Variants in SLC44A5 observed in about 807,000 individuals in gnomAD.
The protein encoded by SLC44A5 is choline transporter-like protein 5.
A neutral mutation model predicts 101.8 loss-of-function variants in SLC44A5; 57 were observed. The ratio of observed to expected loss-of-function variants is 0.56; its 90% CI spans 0.45 to 0.70. The LOEUF (loss-of-function observed/expected upper bound fraction) is 0.70. Ranked by LOEUF, SLC44A5 falls within the 30% of genes least tolerant of loss-of-function variation. SLC44A5 has a pLI of 0.00. For synonymous variants in SLC44A5, 281 were observed against 290.9 expected, an observed-to-expected ratio of 0.97 and a Z score of 0.35; for missense variants, 737 against 853.1, an observed-to-expected ratio of 0.86 and a Z score of 1.70.
chr1:75,230,115 T>C (rs1647412336), intron 12 of SLC44A5, among the ~76,000 whole-genome samples: 1 of 152,240 alleles, frequency 6.6e-6, no homozygotes, highest in African/African-American at 2.4e-5. Context: ...TATCAATTAG[T>C]TTTTAATCTA....
At chr1:75,523,945 A>G (rs1484692374) in intron 2 of SLC44A5, among the ~76,000 whole-genome samples, 1 of 152,240 alleles carries the variant, frequency 6.6e-6, no homozygotes. Flanking sequence ...CCAAGGGAAT[A>G]AAGTAGGCAA....
intron 2 of SLC44A5, among the ~76,000 whole-genome samples, chr1:75,513,093 C>A (rs1479925969): frequency 6.6e-6 from 1 of 152,162 alleles, no homozygotes; most frequent in African/African-American, 2.4e-5. Context: ...TAGTAAATAG[C>A]AAATCCAGAA....
rs191069678 is a variant in SLC44A5, at chr1:75,347,207, G to C, written c.53-7577C>G. ...AGTGCCTAAAGCAGTTTGGTAGCTA[G>C]TGATAACATCTCTCCTGCTTCCTCA... On this transcript the variant is annotated intron_variant, in intron 3 of 23. Transcript: ENST00000370859. Among the ~76,000 whole-genome samples, 3 of 152,160 alleles carry C rather than the reference G, an allele frequency of 2.0e-5. No homozygotes were observed. The South Asian group carries it at 6.2e-4, about 32-fold the overall frequency.
chr1:75,473,521 TG>T (rs779644676), intron 2 of SLC44A5, among the ~76,000 whole-genome samples: 4 of 152,176 alleles, frequency 2.6e-5, no homozygotes, highest in Non-Finnish European at 4.4e-5. Flanking sequence ...TTGCAGAATT[TG>T]GGGGTACTTG....
At chr1:75,222,245 C>T (rs966264998) in intron 14 of SLC44A5, 116 bp downstream of exon 14, 88 of 756,956 alleles carry the variant, frequency 1.2e-4, no homozygotes, top group Admixed American at 8.7e-5. Flanking sequence ...TGTGAACCAC[C>T]GCGCCCAGCA....
chr1:75,577,854 T>C (rs1392638158), intron 1 of SLC44A5, among the ~76,000 whole-genome samples: 1 of 152,188 alleles, frequency 6.6e-6, no homozygotes, highest in African/African-American at 2.4e-5. Context: ...GTGTGACACA[T>C]ACTAAGTGTA....
chr1:75,586,137 G>C (rs1246362052), intron 1 of SLC44A5, among the ~76,000 whole-genome samples: 1 of 152,082 alleles, frequency 6.6e-6, no homozygotes, highest in Non-Finnish European at 1.5e-5. Flanking sequence ...GCCTAATATG[G>C]GTGGGCATCA....
At chr1:75,403,293 C>T (rs980453683) in intron 2 of SLC44A5, among the ~76,000 whole-genome samples, 3 of 152,216 alleles carry the variant, frequency 2.0e-5, no homozygotes, top group Non-Finnish European at 4.4e-5. Context: ...AATGTTCCTG[C>T]CTGCTGGCTC....
chr1:75,628,043 GC>G, the SLC44A5 span, among the ~76,000 whole-genome samples: 1 of 151,350 alleles, frequency 6.6e-6, no homozygotes, highest in Admixed American at 6.6e-5. Context: ...GCTAGTCTGT[GC>G]CTTGCCTTCT....
intron 5 of SLC44A5, among the ~76,000 whole-genome samples, chr1:75,282,703 A>G (rs1320325227): frequency 6.6e-6 from 1 of 152,162 alleles, no homozygotes; most frequent in Non-Finnish European, 1.5e-5. Context: ...CATACAGATC[A>G]TGAGATCTAA....
At chr1:75,582,977 C>A (rs1291731099) in intron 1 of SLC44A5, among the ~76,000 whole-genome samples, 1 of 152,150 alleles carries the variant, frequency 6.6e-6, no homozygotes. Flanking sequence ...CCTCCTCTAG[C>A]CTTGACAGTG....
chr1:75,260,711 C>T (rs1019689326), intron 6 of SLC44A5, among the ~76,000 whole-genome samples: 1 of 152,148 alleles, frequency 6.6e-6, no homozygotes, highest in African/African-American at 2.4e-5. Flanking sequence ...TCCATATCAG[C>T]AGAATATACA....
At chr1:75,387,319 A>G (rs1661431450) in intron 3 of SLC44A5, among the ~76,000 whole-genome samples, 1 of 147,886 alleles carries the variant, frequency 6.8e-6, no homozygotes, top group Non-Finnish European at 1.5e-5. Context: ...CATCTGACAA[A>G]GGGCTAATAT....
intron 3 of SLC44A5, among the ~76,000 whole-genome samples, chr1:75,356,880 C>G (rs1402193691): frequency 6.6e-6 from 1 of 152,176 alleles, no homozygotes; most frequent in Non-Finnish European, 1.5e-5. Context: ...AGTACAATAA[C>G]ATGCTGTACA....
chr1:75,227,812 G>C lies in SLC44A5; in HGVS notation c.899C>G (p.Pro300Arg), dbSNP rs754681847. 1 of 1,600,060 alleles carries C rather than the reference G, an allele frequency of 6.2e-7. No homozygotes were observed. Among genetic ancestry groups the C allele is most frequent in the Non-Finnish European group, 8.5e-7 (1 of 1,176,172 alleles). Residue 300 changes from proline to arginine, a missense_variant, in exon 13 of 24, where the codon CCA (proline) becomes CGA (arginine). Physicochemically the swap from Pro to Arg is moderately radical, Grantham distance 103. Coordinates refer to ENST00000370859, the MANE Select transcript of SLC44A5 (RefSeq NM_001130058.2). ...YQQYTNLQER[P>R]SSVLTIYDIG... ...GTCATAGATAGTTAATACAGAACTT[G>C]GGCGTTCCTGAAGATTGGTGTACTG...
intron 2 of SLC44A5, among the ~76,000 whole-genome samples, chr1:75,413,113 GTTATTACAAT>G (rs1248621042): frequency 6.6e-6 from 1 of 152,100 alleles, no homozygotes; most frequent in Non-Finnish European, 1.5e-5. Flanking sequence ...ATTATGCTAT[GTTATTACAAT>G]TGTCCTATTT....
chr1:75,446,680 A>G lies in SLC44A5; in HGVS notation c.14-50059T>C, dbSNP rs551390688. The stretch of plus-strand genomic sequence containing the variant: ...CACACACACACACACACACACATAC[A>G]CACACACAATGGTTGAATGTATTCA... On this transcript the variant is annotated intron_variant, in intron 2 of 23. Coordinates refer to ENST00000370859, the MANE Select transcript of SLC44A5 (RefSeq NM_001130058.2). Among the ~76,000 whole-genome samples the G allele has an allele frequency of 4.9e-3, 743 of 152,076 alleles. 10 individuals are homozygous for G. The highest frequency in any genetic ancestry group is 0.017 in the African/African-American group (713 of 41,488).
At chr1:75,639,390 CCTT>C in the SLC44A5 span, among the ~76,000 whole-genome samples, 4 of 152,012 alleles carry the variant, frequency 2.6e-5, no homozygotes, top group Admixed American at 2.0e-4. Flanking sequence ...TTTAATAAAG[CCTT>C]CTTTACTTTT....
chr1:75,424,268 T>G (rs1664177401), intron 2 of SLC44A5, among the ~76,000 whole-genome samples: 1 of 152,090 alleles, frequency 6.6e-6, no homozygotes, highest in Non-Finnish European at 1.5e-5. Flanking sequence ...CCTCTCCAAG[T>G]TTTTAAAGTT....
Sources: gnomAD v4.1 joint callset for allele counts (sites outside exome capture counted in the v4.1 genomes callset) on GRCh38, gnomAD v4.1.1 for gene constraint, MANE v1.5 for transcripts, NCBI Gene and HGNC (gene_info 2026-07-23, HGNC 2026-07-21) for gene names.